STK32C: variants seen among roughly 807,000 people sequenced by gnomAD.
STK32C encodes serine/threonine-protein kinase 32C.
Under a neutral mutation model 56.5 loss-of-function variants are expected in STK32C, and 31 were observed. The observed-to-expected ratio is 0.55, with a 90% CI of 0.41 to 0.74. STK32C has a LOEUF of 0.74. Ranked by LOEUF, STK32C falls within the 30% of genes least tolerant of loss-of-function variation. STK32C has a pLI of 0.00. For missense variants in STK32C, 544 were observed against 676.9 expected, an observed-to-expected ratio of 0.80 and a Z score of 2.18; for synonymous variants, 309 against 289.4, an observed-to-expected ratio of 1.07 and a Z score of -0.69.
intron 1 of STK32C, among the ~76,000 whole-genome samples, chr10:132,281,039 C>T (rs1309638497): frequency 6.6e-6 from 1 of 150,992 alleles, no homozygotes; most frequent in Admixed American, 6.6e-5. Context: ...CCCTGCACTC[C>T]GTGATCACAC....
rs555173871 is a variant in STK32C, at chr10:132,268,480, T to C, written c.263-22525A>G. 1.8e-3 allele frequency among the ~76,000 whole-genome samples: 264 copies of C among 147,252 alleles called. 1 individual carries two copies. Among genetic ancestry groups the C allele is most frequent in the African/African-American group, 6.3e-3 (249 of 39,442 alleles). ...GCATGTCCCACATCGTGTGTGTGTG[T>C]CGGTGTGTGTGCATGCCTGTGTATG... On this transcript the variant is annotated intron_variant, in intron 1 of 11. Transcript: ENST00000298630.
At chr10:132,281,092 CACTGCACTCCATGATCAT>C (rs2065188921) in intron 1 of STK32C, among the ~76,000 whole-genome samples, 1 of 151,450 alleles carries the variant, frequency 6.6e-6, no homozygotes, top group Non-Finnish European at 1.5e-5. Context: ...GTGATCATGG[CACTGCACTCCATGATCAT>C]GCCACTGCAC....
chr10:132,245,506 T>A (rs2063657209), intron 2 of STK32C, among the ~76,000 whole-genome samples: 1 of 152,196 alleles, frequency 6.6e-6, no homozygotes. Context: ...TGGACGGGGC[T>A]GGAGACAGGG....
intron 1 of STK32C, among the ~76,000 whole-genome samples, chr10:132,287,036 T>C (rs2065425215): frequency 6.6e-6 from 1 of 152,192 alleles, no homozygotes; most frequent in African/African-American, 2.4e-5. Flanking sequence ...ACAAAGACAA[T>C]ATAAGCAATA....
chr10:132,245,993 AG>A (rs771978427), intron 1 of STK32C, 38 bp from the exon 2 acceptor site: 15 of 1,601,758 alleles, frequency 9.4e-6, no homozygotes, highest in Non-Finnish European at 1.3e-5. Context: ...GTGAGGTGGC[AG>A]CAAGGCCCCA....
rs374277113 is a variant in STK32C at position 132,271,583 on chromosome 10, C to T, written c.263-25628G>A. The stretch of plus-strand genomic sequence containing the variant: ...GCACTCAGGGTGGGAAGAAGGTGGC[C>T]GTGGCGTCAGCATGACACGGTCATG... On this transcript the variant is annotated intron_variant, in intron 1 of 11. Coordinates refer to ENST00000298630, the MANE Select transcript of STK32C (RefSeq NM_173575.4). Among the ~76,000 whole-genome samples the T allele has an allele frequency of 4.6e-5, 7 of 152,284 alleles. No homozygotes were observed. In the East Asian group the frequency reaches 1.2e-3, roughly 25 times the overall value.
chr10:132,289,609 G>A (rs528790643), intron 1 of STK32C, among the ~76,000 whole-genome samples: 48 of 152,308 alleles, frequency 3.2e-4, no homozygotes, highest in African/African-American at 1.2e-3. Context: ...GTAAAGGCTG[G>A]GAAGTGTAAG....
At chr10:132,214,515 A>T (rs1160728579) in intron 10 of STK32C, among the ~76,000 whole-genome samples, 3 of 152,242 alleles carry the variant, frequency 2.0e-5, no homozygotes, top group Non-Finnish European at 4.4e-5. Context: ...TGTTAAACGA[A>T]GTTCCTCAGG....
chr10:132,264,334 C>G (rs552391810), intron 1 of STK32C, among the ~76,000 whole-genome samples: 7 of 152,348 alleles, frequency 4.6e-5, no homozygotes, highest in African/African-American at 1.4e-4. Flanking sequence ...ACCTGGTCAT[C>G]AGGTGGCCCC....
chr10:132,309,069 A>C (rs1358439113), upstream of STK32C, among the ~76,000 whole-genome samples: 2 of 152,096 alleles, frequency 1.3e-5, no homozygotes, highest in African/African-American at 2.4e-5. Flanking sequence ...GCCCGCCCGG[A>C]CGATGAGCGG....
intron 10 of STK32C, among the ~76,000 whole-genome samples, chr10:132,216,593 G>A (rs188275308): frequency 5.6e-4 from 86 of 152,298 alleles, no homozygotes; most frequent in African/African-American, 1.9e-3. Context: ...GCATGCCACA[G>A]ACCTTTGCGG....
intron 1 of STK32C, among the ~76,000 whole-genome samples, chr10:132,282,315 C>G (rs35033992): frequency 0.44 from 66,839 of 152,184 alleles, 15,954 homozygotes; most frequent in African/African-American, 0.62. Flanking sequence ...CGTCCAGAGT[C>G]GCTGCTGGAA....
intron 1 of STK32C, among the ~76,000 whole-genome samples, chr10:132,280,250 C>T (rs1406104713): frequency 3.0e-4 from 40 of 132,098 alleles, no homozygotes; most frequent in African/African-American, 1.1e-3. Context: ...ACCGTGACCA[C>T]GCCCCTGCAC....
rs983245575 is a variant in STK32C at position 132,255,343 on chromosome 10, C to A, written c.263-9388G>T. ...GCTCCTCCTGGCAATGGGTGCCCCC[C>A]ACTCCCACTCCTCAGGTGCCCTGGC... On this transcript the variant is annotated intron_variant, in intron 1 of 11. Coordinates refer to ENST00000298630, the MANE Select transcript of STK32C (RefSeq NM_173575.4). This position sits in a 1 kb window ranked among gnomAD's most constrained non-coding sequence, Gnocchi z 4.6. 3.3e-5 allele frequency among the ~76,000 whole-genome samples: 5 copies of A among 152,164 alleles called. No individual in the cohort carries two copies. The highest frequency in any genetic ancestry group is 3.3e-4 in the Admixed American group (5 of 15,278).
At chr10:132,227,062 C>A in intron 3 of STK32C, 94 bp from the exon 4 acceptor site, 2 of 1,410,602 alleles carry the variant, frequency 1.4e-6, no homozygotes, top group South Asian at 1.3e-5. Flanking sequence ...AGGACCACAG[C>A]CCCACCCCAG....
chr10:132,285,141 C>G (rs2065361515), intron 1 of STK32C, among the ~76,000 whole-genome samples: 1 of 145,128 alleles, frequency 6.9e-6, no homozygotes. Context: ...ACCCGGAACA[C>G]ATTCCCACGT....
At chr10:132,223,153 C>T (rs1165629674) in intron 8 of STK32C, among the ~76,000 whole-genome samples, 167 bp from the exon 9 acceptor site, 1 of 152,354 alleles carries the variant, frequency 6.6e-6, no homozygotes, top group Admixed American at 6.5e-5. Flanking sequence ...CGGCCGACAT[C>T]AGGCAAAGCA....
intron 1 of STK32C, among the ~76,000 whole-genome samples, chr10:132,283,296 G>C (rs943962552): frequency 3.3e-5 from 5 of 152,250 alleles, no homozygotes; most frequent in African/African-American, 1.2e-4. Flanking sequence ...CTGTAACACG[G>C]GTAAGTTACA....
intron 10 of STK32C, among the ~76,000 whole-genome samples, chr10:132,215,837 G>A (rs530150995): frequency 1.3e-5 from 2 of 152,202 alleles, no homozygotes; most frequent in Admixed American, 1.3e-4. Context: ...GAACTTCCTA[G>A]AGACTTGTTG....
Sources: gnomAD v4.1 joint callset for allele counts (sites outside exome capture counted in the v4.1 genomes callset) on GRCh38, gnomAD v4.1.1 for gene constraint, Gnocchi (gnomAD v3.1) non-coding constraint, MANE v1.5 for transcripts, NCBI Gene and HGNC (gene_info 2026-07-23, HGNC 2026-07-21) for gene names.